Variants in RAB37 observed in about 807,000 individuals in gnomAD.
RAB37 encodes RAB37, member RAS oncogene family, also known as ras-related protein Rab-37.
In RAB37, 29 loss-of-function variants were observed where a neutral mutation model predicts 33.1. The observed-to-expected ratio is 0.88, with a 90% CI of 0.65 to 1.20. The LOEUF is 1.20. RAB37 is among the 50% of genes most tolerant of loss of function. RAB37 has a pLI of 0.00. For synonymous variants in RAB37, 128 were observed against 119.5 expected, an observed-to-expected ratio of 1.07 and a Z score of -0.47; for missense variants, 299 against 301.1, an observed-to-expected ratio of 0.99 and a Z score of 0.05.
chr17:74,736,234 A>G (rs1197406768), upstream of RAB37, among the ~76,000 whole-genome samples: 1 of 150,108 alleles, frequency 6.7e-6, no homozygotes, highest in African/African-American at 2.5e-5. Flanking sequence ...AAGTGCAGGT[A>G]CCCCTCTCCA....
chr17:74,726,788 C>T (rs901367257), intron 1 of RAB37, among the ~76,000 whole-genome samples: 5 of 152,306 alleles, frequency 3.3e-5, no homozygotes, highest in Admixed American at 1.3e-4. Flanking sequence ...GAGGCCCAGC[C>T]AATCTCTATG....
chr17:74,712,713 C>T, intron 1 of RAB37: 1 of 1,112,542 alleles, frequency 9.0e-7, no homozygotes, highest in Non-Finnish European at 1.3e-6. Context: ...ATGAAACGCA[C>T]AAGGCTCATG....
chr17:74,717,808 T>TAAA lies in RAB37; in HGVS notation c.73-11431_73-11429dup, dbSNP rs34747683. ...TGGGCAGCAAGAGCGAAACTCCATC[T>TAAA]AAAAAAAAAAAAAAAAAAACAGAAA... On this transcript the variant is annotated intron_variant, in intron 1 of 7. Transcript: ENST00000340415. Among the ~76,000 whole-genome samples, 163 of 92,046 alleles carry TAAA rather than the reference T, an allele frequency of 1.8e-3. 1 individual carries two copies. The East Asian group carries it at 0.031, about 17-fold the overall frequency. The allele number at this position is 92,046 out of a possible 152,430, so 60.4% of individuals were successfully genotyped here. A position where few individuals can be genotyped will look rare whatever the true frequency, so the allele number is the denominator to read the frequency against.
intron 1 of RAB37, among the ~76,000 whole-genome samples, chr17:74,715,978 C>T (rs1292507427): frequency 6.6e-6 from 1 of 152,064 alleles, no homozygotes; most frequent in East Asian, 1.9e-4. Context: ...TGCAGTAAGC[C>T]GAGGTCACAA....
In RAB37 at chr17:74,698,222, T is replaced by C. The variant is rs188534637; in HGVS notation, c.72+26564T>C. 947 of 652,010 alleles carry C rather than the reference T, an allele frequency of 1.5e-3. 7 individuals carry two copies. In the African/African-American group the frequency reaches 0.015, roughly 10 times the overall value. 40.4% of individuals were successfully genotyped at this position (652,010 alleles called of 1,614,324 possible). A position where few individuals can be genotyped will look rare whatever the true frequency, so the allele number is the denominator to read the frequency against. ...CTGCAAGCTCCAGGGCGCCCCCCGG[T>C]CCCCTGGCACTGCCAGCTGCTGAGG... On this transcript the variant is annotated intron_variant, in intron 1 of 7. Coordinates refer to the RAB37 transcript ENST00000340415.
intron 1 of RAB37, among the ~76,000 whole-genome samples, chr17:74,717,501 G>A (rs1598301931): frequency 6.6e-6 from 1 of 152,120 alleles, no homozygotes; most frequent in South Asian, 2.1e-4. Context: ...AATGGGATTA[G>A]TGCCCTTATA....
rs746130191 is a variant in RAB37 at position 74,747,216 on chromosome 17, C to T, written c.*1805C>T. The T allele has an allele frequency of 5.3e-5, 8 of 152,330 alleles. No individual in the cohort carries two copies. The highest frequency in any genetic ancestry group is 1.7e-4 in the African/African-American group (7 of 41,548). The allele number at this position is 152,330 out of a possible 1,614,324, so 9.4% of individuals were successfully genotyped here. On this transcript the variant is annotated 3_prime_UTR_variant, in exon 9 of 9. Transcript: ENST00000392613. ...TCCCTCAGGCAGAGCAGGGAGGAGG[C>T]TGACATTGCCAGTCTCTTCTGGGGC...
chr17:74,739,721 G>C (rs1435884975), intron 1 of RAB37, among the ~76,000 whole-genome samples: 1 of 151,398 alleles, frequency 6.6e-6, no homozygotes, highest in Non-Finnish European at 1.5e-5. Context: ...AGTAGAGATG[G>C]GGTTTCACCT....
At position 74,671,689 on chromosome 17, in the gene RAB37, G is replaced by T. The variant is rs767067633; in HGVS notation, c.72+31G>T. On this transcript the variant is annotated intron_variant, in intron 1 of 7. Transcript: ENST00000340415. The surrounding 1 kb of genome is among the most constrained non-coding windows in gnomAD (Gnocchi z 5.0). ...CATCTCCTGTATTCCTCAACCTAACGTTGGAAGAGGCGCCAGCACCAGGAG... is the reference window on the plus strand; with the variant it reads ...CATCTCCTGTATTCCTCAACCTAACTTTGGAAGAGGCGCCAGCACCAGGAG... 6.2e-7 allele frequency: 1 copy of T among 1,601,134 alleles called. No homozygotes were observed. Among genetic ancestry groups the T allele is most frequent in the Non-Finnish European group, 8.6e-7 (1 of 1,168,352 alleles).
rs114080335 is a variant in RAB37 at position 74,691,240 on chromosome 17, A to G, written c.72+19582A>G. 8.7e-3 allele frequency among the ~76,000 whole-genome samples: 1,321 copies of G among 152,252 alleles called. 18 individuals are homozygous for G. The highest frequency in any genetic ancestry group is 0.03 in the African/African-American group (1,244 of 41,534). ...GCTCTCGAACTCCTGGGCTCAATCA[A>G]TCACCTGCCTTGGCCTCCCAAAGTG... is the stretch of plus-strand genomic sequence containing the variant. On this transcript the variant is annotated intron_variant, in intron 1 of 7. Coordinates refer to the RAB37 transcript ENST00000340415.
chr17:74,744,438 C>A lies in RAB37; in HGVS notation c.432+65C>A. 6.7e-7 allele frequency: 1 copy of A among 1,488,104 alleles called. No individual in the cohort carries two copies. Among genetic ancestry groups the A allele is most frequent in the Non-Finnish European group, 9.4e-7 (1 of 1,065,524 alleles). 92.2% of individuals were successfully genotyped at this position (1,488,104 alleles called of 1,614,324 possible). ...TCCTCAGCCCTAGCCGGCCCCATAA[C>A]CACCCAAGAACAGTTATCTAGGCAT... On this transcript the variant is annotated intron_variant, in intron 6 of 8. Coordinates refer to ENST00000392613, the MANE Select transcript of RAB37 (RefSeq NM_001006638.3). The surrounding 1 kb of genome is among the most constrained non-coding windows in gnomAD (Gnocchi z 4.2).
At chr17:74,702,484 T>C (rs960007305) in intron 1 of RAB37, among the ~76,000 whole-genome samples, 4 of 152,228 alleles carry the variant, frequency 2.6e-5, no homozygotes, top group African/African-American at 9.6e-5. Flanking sequence ...GAAAGCCTTT[T>C]GTGAGCTGTC....
chr17:74,737,059 A>T, upstream of RAB37: 1 of 1,608,684 alleles, frequency 6.2e-7, no homozygotes, highest in Non-Finnish European at 8.5e-7. Flanking sequence ...TTGCTCAGGG[A>T]GGCTGCCCGC....
chr17:74,732,149 T>C (rs2034392485), intron 2 of RAB37, among the ~76,000 whole-genome samples: 1 of 152,120 alleles, frequency 6.6e-6, no homozygotes, highest in African/African-American at 2.4e-5. Context: ...AGACCAGTGG[T>C]TTTCGAACAC....
At chr17:74,740,677 C>T (rs940297633) in intron 1 of RAB37, 91 bp from the exon 2 acceptor site, 13 of 931,134 alleles carry the variant, frequency 1.4e-5, no homozygotes, top group African/African-American at 3.2e-5. Flanking sequence ...TGCCAGCCCC[C>T]TCTTCTCTGA....
At chr17:74,737,223 G>C, upstream of RAB37, 1 of 1,536,074 alleles carries the variant, frequency 6.5e-7, no homozygotes, top group Non-Finnish European at 8.7e-7. Flanking sequence ...GGCCGTTCCT[G>C]CGCTCTCCTT....
intron 1 of RAB37, among the ~76,000 whole-genome samples, chr17:74,690,199 G>A (rs192400923): frequency 2.0e-5 from 3 of 151,960 alleles, no homozygotes; most frequent in Non-Finnish European, 2.9e-5. Context: ...GGGCTCAATC[G>A]ATCACCCACC....
At chr17:74,727,613 C>G (rs998797003) in intron 1 of RAB37, among the ~76,000 whole-genome samples, 1 of 152,250 alleles carries the variant, frequency 6.6e-6, no homozygotes, top group Admixed American at 6.5e-5. Context: ...TTGGTGCAAA[C>G]ATGACAATGA....
chr17:74,709,627 T>G (rs1251000248), intron 1 of RAB37, among the ~76,000 whole-genome samples: 1 of 152,030 alleles, frequency 6.6e-6, no homozygotes, highest in Admixed American at 6.6e-5. Flanking sequence ...AGTGCACTGG[T>G]ACGAACATGG....
Sources: gnomAD v4.1 joint callset for allele counts (sites outside exome capture counted in the v4.1 genomes callset) on GRCh38, gnomAD v4.1.1 for gene constraint, Gnocchi (gnomAD v3.1) non-coding constraint, MANE v1.5 for transcripts, NCBI Gene and HGNC (gene_info 2026-07-23, HGNC 2026-07-21) for gene names.